Variants in ACP3 observed in about 807,000 individuals in gnomAD.
ACP3 encodes acid phosphatase 3.
In ACP3, 38 loss-of-function variants were observed where a neutral mutation model predicts 45.6. That is an observed-to-expected ratio of 0.83 (90% CI 0.64 to 1.09). The LOEUF (loss-of-function observed/expected upper bound fraction) is 1.09. ACP3 is among the 50% of genes least tolerant of loss of function. The pLI, the probability that ACP3 is intolerant of heterozygous loss-of-function variation, is 0.00. For missense variants in ACP3, 466 were observed against 463.2 expected (o/e 1.01, Z -0.05); for synonymous variants, 162 against 164.7 (o/e 0.98, Z 0.13).
At chr3:132,345,531 G>T (rs56016238) in intron 7 of ACP3, among the ~76,000 whole-genome samples, 51,007 of 152,028 alleles carry the variant, frequency 0.34, 9,043 homozygotes, top group Middle Eastern at 0.5. Context: ...ACCCTGAGTG[G>T]TAGTCATTGT....
chr3:132,321,479 A>G (rs1937206014), intron 1 of ACP3, among the ~76,000 whole-genome samples: 1 of 152,148 alleles, frequency 6.6e-6, no homozygotes, highest in Admixed American at 6.5e-5. Flanking sequence ...TGGAGACCAC[A>G]GGTTTTTCAA....
intron 6 of ACP3, among the ~76,000 whole-genome samples, chr3:132,343,855 A>G (rs962851506): frequency 2.0e-5 from 3 of 152,136 alleles, no homozygotes; most frequent in Non-Finnish European, 4.4e-5. Context: ...AACTACAGCC[A>G]GGTATGGTGG....
exon 11 of ACP3, chr3:132,368,025 T>C: frequency 5.7e-6 from 3 of 523,078 alleles, no homozygotes; most frequent in Non-Finnish European, 6.9e-6. Context: ...CTTCTCATAA[T>C]GGAGTGGTAG....
At chr3:132,359,500 T>G (rs1245557324), downstream of ACP3, among the ~76,000 whole-genome samples, 4 of 150,132 alleles carry the variant, frequency 2.7e-5, no homozygotes, top group East Asian at 6.8e-4. Context: ...AGAGCGAGAC[T>G]CTGTCTAAAT....
intron 1 of ACP3, among the ~76,000 whole-genome samples, chr3:132,326,472 G>A (rs1444838399): frequency 1.3e-5 from 2 of 152,174 alleles, no homozygotes; most frequent in African/African-American, 2.4e-5. Flanking sequence ...AAAATATGCA[G>A]CTGTCCTTCC....
chr3:132,353,227 C>G (rs1214320389), intron 9 of ACP3, among the ~76,000 whole-genome samples: 1 of 152,104 alleles, frequency 6.6e-6, no homozygotes, highest in Non-Finnish European at 1.5e-5. Flanking sequence ...AGTCAAGATT[C>G]TTAAAGTACA....
intron 1 of ACP3, among the ~76,000 whole-genome samples, chr3:132,327,176 A>G (rs1288848775): frequency 6.6e-6 from 1 of 152,234 alleles, no homozygotes; most frequent in Non-Finnish European, 1.5e-5. Context: ...TTGGCTCAAA[A>G]TGGTCACAAA....
intron 9 of ACP3, among the ~76,000 whole-genome samples, chr3:132,354,369 GA>G: frequency 6.6e-6 from 1 of 152,244 alleles, no homozygotes; most frequent in South Asian, 2.1e-4. Context: ...TTACGACCCT[GA>G]GTTAAATCTA....
Position 132,332,408 on chromosome 3 carries a change from A to C in ACP3, c.456+64A>C, listed in dbSNP as rs148588895. 5.9e-4 allele frequency: 935 copies of C among 1,584,318 alleles called. 5 individuals carry two copies. In the African/African-American group the frequency reaches 0.011, roughly 18 times the overall value. On this transcript the variant is annotated intron_variant, in intron 4 of 9. Transcript: ENST00000336375. Reference sequence around the variant, plus strand: ...CTAGAATGAGGAAGGCAGGCTACTCAACAGTTGTGGATTTGGGAGTCTGGA... The same window carrying C: ...CTAGAATGAGGAAGGCAGGCTACTCCACAGTTGTGGATTTGGGAGTCTGGA...
chr3:132,358,650 C>G lies in ACP3; in HGVS notation c.*1772C>G, dbSNP rs906695843. 6 of 1,029,824 alleles carry G rather than the reference C, an allele frequency of 5.8e-6. No individual in the cohort carries two copies. In the South Asian group the frequency reaches 1.7e-4, roughly 29 times the overall value. 63.8% of individuals were successfully genotyped at this position (1,029,824 alleles called of 1,614,324 possible). On this transcript the variant is annotated 3_prime_UTR_variant, in exon 10 of 10. Coordinates refer to ENST00000336375, the MANE Select transcript of ACP3 (RefSeq NM_001099.5). ...ATTGATATGCTTCTTTGTGTTATTT[C>G]CCTCCCAAGTAAATGTTTGTCCTTG... is the stretch of plus-strand genomic sequence containing the variant.
At chr3:132,359,044 G>A (rs762374821), downstream of ACP3, among the ~76,000 whole-genome samples, 6 of 152,202 alleles carry the variant, frequency 3.9e-5, no homozygotes, top group African/African-American at 1.2e-4. Context: ...CCCTCAGGAA[G>A]TGCACAATAT....
chr3:132,335,982 C>T (rs142614686), intron 4 of ACP3, among the ~76,000 whole-genome samples: 248 of 152,246 alleles, frequency 1.6e-3, no homozygotes, highest in African/African-American at 5.7e-3. Context: ...AATAATAGGC[C>T]GGGCGCGGTG....
At chr3:132,323,646 T>C (rs1363688407) in intron 1 of ACP3, among the ~76,000 whole-genome samples, 1 of 152,034 alleles carries the variant, frequency 6.6e-6, no homozygotes. Flanking sequence ...AGACAGGACA[T>C]CAAGAGCAAA....
downstream of ACP3, among the ~76,000 whole-genome samples, chr3:132,363,310 C>T (rs747243919): frequency 2.0e-5 from 3 of 152,134 alleles, no homozygotes; most frequent in African/African-American, 7.2e-5. Context: ...GGATAATAAC[C>T]TGTCTCAATC....
At chr3:132,351,971 C>T (rs1937751724) in intron 8 of ACP3, among the ~76,000 whole-genome samples, 4 of 152,134 alleles carry the variant, frequency 2.6e-5, no homozygotes, top group Admixed American at 2.6e-4. Context: ...ATTTTATCTT[C>T]CCTAAACATT....
intron 1 of ACP3, among the ~76,000 whole-genome samples, chr3:132,325,595 A>AACACACACACACACACACATAC (rs1553730254): frequency 3.5e-5 from 5 of 143,644 alleles, no homozygotes; most frequent in Non-Finnish European, 7.5e-5. Context: ...TCTGATACAA[A>AACACACACACACACACACATAC]ACACACACAC....
chr3:132,362,121 CT>C (rs201221273), downstream of ACP3, among the ~76,000 whole-genome samples: 421 of 149,288 alleles, frequency 2.8e-3, 3 homozygotes, highest in Non-Finnish European at 1.2e-3. Flanking sequence ...TCTGTCATCT[CT>C]TTTTTTTTTA....
chr3:132,339,105 C>CATTTATATT lies in ACP3; in HGVS notation c.555+1552_555+1560dup, dbSNP rs1937523467. ...CCGTGTATTCTCATCAGTTAAATGC[C>CATTTATATT]ATTTATATTTCCTTTTATATCAATA... On this transcript the variant is annotated intron_variant, in intron 5 of 9. Coordinates refer to ENST00000336375, the MANE Select transcript of ACP3 (RefSeq NM_001099.5). Among the ~76,000 whole-genome samples, 6 of 152,198 alleles carry CATTTATATT rather than the reference C, an allele frequency of 3.9e-5. No homozygotes were observed. The South Asian group carries it at 1.2e-3, about 32-fold the overall frequency.
chr3:132,347,551 C>T (rs372342579), intron 7 of ACP3, among the ~76,000 whole-genome samples: 1 of 152,132 alleles, frequency 6.6e-6, no homozygotes, highest in Non-Finnish European at 1.5e-5. Flanking sequence ...ATGATCACGG[C>T]TCACTGTAGC....
Sources: allele counts gnomAD v4.1 joint callset (sites outside exome capture counted in the v4.1 genomes callset), GRCh38; gene constraint gnomAD v4.1.1; transcripts MANE v1.5; gene names NCBI Gene and HGNC (gene_info 2026-07-23, HGNC 2026-07-21).